SLC35F1: variants seen among roughly 807,000 people sequenced by gnomAD.
SLC35F1 encodes the protein solute carrier family 35 member F1, also known as chromosome 6 open reading frame 169.
SLC35F1 carries 14 observed loss-of-function variants against 48.7 expected under a neutral mutation model. The observed-to-expected ratio is 0.29, with a 90% CI of 0.19 to 0.45. The LOEUF (loss-of-function observed/expected upper bound fraction) is 0.45. Among genes scored for constraint, SLC35F1 ranks in the 20% least tolerant of loss-of-function variants. The pLI, the probability that SLC35F1 is intolerant of heterozygous loss-of-function variation, is 1.00. For synonymous variants in SLC35F1, 190 were observed against 202.2 expected (o/e 0.94, Z 0.51); for missense variants, 404 against 500.0 (o/e 0.81, Z 1.83).
At chr6:118,209,598 A>C (rs1774977671) in intron 2 of SLC35F1, among the ~76,000 whole-genome samples, 1 of 152,190 alleles carries the variant, frequency 6.6e-6, no homozygotes, top group South Asian at 2.1e-4. Flanking sequence ...AATGCCCAGA[A>C]TTTTGAAAAC....
chr6:117,993,258 G>A (rs916082992), intron 1 of SLC35F1, among the ~76,000 whole-genome samples: 2 of 151,976 alleles, frequency 1.3e-5, no homozygotes, highest in Non-Finnish European at 2.9e-5. Flanking sequence ...CCCTACTCTC[G>A]AATCACTGCT....
chr6:117,921,679 C>G (rs1460551842), intron 1 of SLC35F1, among the ~76,000 whole-genome samples: 2 of 152,180 alleles, frequency 1.3e-5, no homozygotes, highest in African/African-American at 4.8e-5. Context: ...TCATTTGCAA[C>G]TCTTAGGCTG....
chr6:118,308,490 C>T (rs920224788), intron 7 of SLC35F1, among the ~76,000 whole-genome samples: 1 of 152,324 alleles, frequency 6.6e-6, no homozygotes, highest in African/African-American at 2.4e-5. Context: ...GCTACATAAC[C>T]TTGAGAATGG....
intron 1 of SLC35F1, among the ~76,000 whole-genome samples, chr6:118,078,359 T>C (rs920932723): frequency 3.3e-5 from 5 of 152,156 alleles, no homozygotes; most frequent in African/African-American, 1.2e-4. Context: ...CAAATTTACC[T>C]GTTCTGTTTT....
intron 1 of SLC35F1, among the ~76,000 whole-genome samples, chr6:118,094,778 G>A (rs1178891844): frequency 6.6e-6 from 1 of 151,974 alleles, no homozygotes; most frequent in Non-Finnish European, 1.5e-5. Flanking sequence ...GACCAGCCTG[G>A]CCAACATGGT....
chr6:118,277,717 A>C (rs1380450156), intron 6 of SLC35F1, among the ~76,000 whole-genome samples, 171 bp downstream of exon 6: 2 of 152,188 alleles, frequency 1.3e-5, no homozygotes, highest in Non-Finnish European at 2.9e-5. Flanking sequence ...TGAGAGACTA[A>C]ATTGTATTAT....
At chr6:118,268,166 G>A (rs1216950661) in intron 4 of SLC35F1, among the ~76,000 whole-genome samples, 2 of 152,128 alleles carry the variant, frequency 1.3e-5, no homozygotes, top group Admixed American at 1.3e-4. Context: ...TGACATATGT[G>A]AACACCAAGA....
intron 3 of SLC35F1, among the ~76,000 whole-genome samples, chr6:118,239,427 G>A (rs575818194): frequency 6.6e-6 from 1 of 151,876 alleles, no homozygotes; most frequent in Admixed American, 6.6e-5. Context: ...TTAGCCCAGA[G>A]TCAAAATGTA....
chr6:118,049,622 T>G (rs28823568), intron 1 of SLC35F1, among the ~76,000 whole-genome samples: 1 of 148,398 alleles, frequency 6.7e-6, no homozygotes, highest in Non-Finnish European at 1.5e-5. Context: ...AAATGCTCAC[T>G]ATCACTGGCC....
chr6:117,990,343 G>T (rs966952042), intron 1 of SLC35F1, among the ~76,000 whole-genome samples: 1 of 152,078 alleles, frequency 6.6e-6, no homozygotes, highest in East Asian at 1.9e-4. Flanking sequence ...TTTTAGACAA[G>T]AATTTCACAC....
intron 2 of SLC35F1, among the ~76,000 whole-genome samples, chr6:118,208,209 C>A (rs1774962091): frequency 6.6e-6 from 1 of 152,212 alleles, no homozygotes; most frequent in Non-Finnish European, 1.5e-5. Flanking sequence ...CTTGTGCACA[C>A]AGGGGCTGGA....
intron 1 of SLC35F1, among the ~76,000 whole-genome samples, chr6:117,966,743 T>A (rs1309421015): frequency 6.6e-6 from 1 of 152,202 alleles, no homozygotes; most frequent in South Asian, 2.1e-4. Context: ...CTGTTTCCTG[T>A]GTCCAAATTT....
chr6:118,098,894 T>C (rs188747425), intron 1 of SLC35F1, among the ~76,000 whole-genome samples: 260 of 152,324 alleles, frequency 1.7e-3, no homozygotes, highest in African/African-American at 6.0e-3. Flanking sequence ...CTTGTCCCCA[T>C]TCAGGTGTCT....
chr6:118,256,702 A>G (rs1775650887), intron 3 of SLC35F1, among the ~76,000 whole-genome samples: 3 of 152,332 alleles, frequency 2.0e-5, no homozygotes, highest in African/African-American at 7.2e-5. Flanking sequence ...GCACTCTCAT[A>G]CATAACATAT....
intron 1 of SLC35F1, among the ~76,000 whole-genome samples, chr6:117,938,867 G>A (rs1181418532): frequency 6.6e-6 from 1 of 151,726 alleles, no homozygotes; most frequent in Non-Finnish European, 1.5e-5. Context: ...CAGGCCCCTG[G>A]CTTGCTGTGT....
At chr6:117,923,893 TAC>T (rs1028505104) in intron 1 of SLC35F1, among the ~76,000 whole-genome samples, 3 of 146,494 alleles carry the variant, frequency 2.0e-5, no homozygotes, top group Non-Finnish European at 4.5e-5. Context: ...GATACACATA[TAC>T]ACATATATGT....
chr6:118,286,903 C>A (rs987820901), intron 7 of SLC35F1, among the ~76,000 whole-genome samples: 1 of 152,018 alleles, frequency 6.6e-6, no homozygotes, highest in Non-Finnish European at 1.5e-5. Context: ...TATGTTAGGT[C>A]TCCAGAACTT....
At chr6:118,240,583 T>C (rs1490514171) in intron 3 of SLC35F1, among the ~76,000 whole-genome samples, 2 of 152,208 alleles carry the variant, frequency 1.3e-5, no homozygotes, top group Admixed American at 6.5e-5. Flanking sequence ...GAAAGGCAGC[T>C]TTTAATCAAA....
intron 7 of SLC35F1, among the ~76,000 whole-genome samples, chr6:118,294,312 A>T (rs530562402): frequency 6.6e-6 from 1 of 152,266 alleles, no homozygotes; most frequent in African/African-American, 2.4e-5. Flanking sequence ...TGATTCCTTT[A>T]TTGCTTACCA....
Sources: allele counts gnomAD v4.1 joint callset (sites outside exome capture counted in the v4.1 genomes callset), GRCh38; gene constraint gnomAD v4.1.1; transcripts MANE v1.5; gene names NCBI Gene and HGNC (gene_info 2026-07-23, HGNC 2026-07-21).